Variants in NLRC5 observed in about 807,000 individuals in gnomAD.
NLRC5 encodes protein NLRC5.
Under a neutral mutation model 206.9 loss-of-function variants are expected in NLRC5, and 114 were observed. The ratio of observed to expected loss-of-function variants is 0.55; its 90% confidence interval spans 0.47 to 0.64. NLRC5 has a LOEUF of 0.64. Ranked by LOEUF, NLRC5 falls within the 30% of genes least tolerant of loss-of-function variation. The probability of loss-of-function intolerance (pLI) is 0.00; values close to 1 mark genes in which losing one functional copy is unlikely to be tolerated. For synonymous variants in NLRC5, 952 were observed against 962.8 expected, an observed-to-expected ratio of 0.99 and a Z score of 0.21; for missense variants, 2,008 against 2,305.5, an observed-to-expected ratio of 0.87 and a Z score of 2.64.
intron 1 of NLRC5, among the ~76,000 whole-genome samples, chr16:56,991,324 T>G (rs2056807342): frequency 6.6e-6 from 1 of 151,790 alleles, no homozygotes; most frequent in Admixed American, 6.6e-5. Flanking sequence ...ACATACCCTC[T>G]TCCCCTCTGA....
chr16:57,082,384 G>A (rs777663842), intron 48 of NLRC5, 33 bp from the exon 49 acceptor site: 2 of 1,507,940 alleles, frequency 1.3e-6, no homozygotes, highest in East Asian at 2.3e-5. Context: ...AAAGATGGGA[G>A]GATGAATGAG....
intron 4 of NLRC5, 43 bp from the exon 5 acceptor site, chr16:57,023,742 A>T (rs1672865): frequency 1.0e-5 from 16 of 1,562,654 alleles, no homozygotes; most frequent in Non-Finnish European, 1.4e-5. Flanking sequence ...CTCAGCCCAG[A>T]TCCCCAGACC....
chr16:57,046,192 C>A (rs2063947952), intron 21 of NLRC5, among the ~76,000 whole-genome samples: 1 of 152,122 alleles, frequency 6.6e-6, no homozygotes, highest in Non-Finnish European at 1.5e-5. Context: ...TTCTTGAGGC[C>A]CAAAGAACTG....
chr16:57,023,845 A>G lies in NLRC5; in HGVS notation c.416A>G (p.Gln139Arg), dbSNP rs751936148. 9.3e-6 allele frequency: 15 copies of G among 1,610,646 alleles called. No homozygotes were observed. The highest frequency in any genetic ancestry group is 1.6e-4 in the Middle Eastern group (1 of 6,078). The change falls in exon 5 of 49, where the codon CAG becomes CGG. Residue 139 changes from glutamine (Q) to arginine (R), a missense_variant. By Grantham distance (43) the Gln-to-Arg change is conservative. Coordinates refer to ENST00000688547, the MANE Select transcript of NLRC5 (RefSeq NM_001384950.1). ...SSPRRKQCKK[Q>R]QLELAKKYLQ... Reference sequence around the variant, plus strand: ...CCCCGCCGGAAGCAGTGCAAGAAGCAGCAGCTAGGTGGGTACCAGTGTGGG... The same window carrying G: ...CCCCGCCGGAAGCAGTGCAAGAAGCGGCAGCTAGGTGGGTACCAGTGTGGG...
At chr16:56,995,075 G>A (rs1242476260) in intron 1 of NLRC5, among the ~76,000 whole-genome samples, 1 of 152,202 alleles carries the variant, frequency 6.6e-6, no homozygotes, top group Non-Finnish European at 1.5e-5. Context: ...TCTGGAGGCT[G>A]AGGCAGGAGA....
In NLRC5 at chr16:57,047,551, T is replaced by C; in HGVS notation, c.3345T>C (p.Ser1115=). ...QRCIPRSLCL[S]ECPLEPPSLT... Reference sequence around the variant, plus strand: ...GCCCATTGCCCCTTTGCAGCCTCAGTGAGTGTCCTCTGGAGCCCCCAAGCC... The same window carrying C: ...GCCCATTGCCCCTTTGCAGCCTCAGCGAGTGTCCTCTGGAGCCCCCAAGCC... The change falls in exon 23 of 49, where the codon AGT becomes AGC. Residue 1115 remains serine, a synonymous_variant. Coordinates refer to ENST00000688547, the MANE Select transcript of NLRC5 (RefSeq NM_001384950.1). 1.2e-6 allele frequency: 2 copies of C among 1,611,650 alleles called. No individual in the cohort carries two copies. The highest frequency in any genetic ancestry group is 1.7e-6 in the Non-Finnish European group (2 of 1,179,102).
chr16:57,020,662 C>A, intron 2 of NLRC5, 39 bp from the exon 3 acceptor site: 1 of 1,511,012 alleles, frequency 6.6e-7, no homozygotes, highest in Non-Finnish European at 8.9e-7. Context: ...CCCAGTTTAC[C>A]TGTCCCCCTC....
chr16:57,078,042 C>T (rs2068625696), intron 43 of NLRC5, 22 bp downstream of exon 43: 8 of 1,553,652 alleles, frequency 5.1e-6, no homozygotes, highest in South Asian at 1.2e-5. Context: ...CCTGCCCATA[C>T]CATGCAGGGC....
chr16:56,992,950 G>T (rs2057089961), intron 1 of NLRC5, among the ~76,000 whole-genome samples: 1 of 151,802 alleles, frequency 6.6e-6, no homozygotes, highest in Non-Finnish European at 1.5e-5. Flanking sequence ...TAAAACATTT[G>T]GAAAGATATA....
At chr16:57,064,778 G>C (rs1265948317) in intron 32 of NLRC5, among the ~76,000 whole-genome samples, 1 of 152,062 alleles carries the variant, frequency 6.6e-6, no homozygotes, top group Non-Finnish European at 1.5e-5. Context: ...ACAAAAATTA[G>C]CCAGGCGTGG....
chr16:57,062,000 T>C, intron 32 of NLRC5: 8 of 1,455,974 alleles, frequency 5.5e-6, no homozygotes, highest in Non-Finnish European at 7.3e-6. Context: ...TGAAACGAAG[T>C]TCTTGTCTGT....
At chr16:57,081,502 C>T (rs1384222386) in intron 47 of NLRC5, 25 bp from the exon 48 acceptor site, 4 of 1,608,816 alleles carry the variant, frequency 2.5e-6, no homozygotes, top group Non-Finnish European at 3.4e-6. Flanking sequence ...TTCTCTTTCC[C>T]CTCCCCTCAC....
Position 57,066,524 on chromosome 16 carries a change from C to T in NLRC5, c.4242-10C>T, listed in dbSNP as rs568245966. On this transcript the variant is annotated splice_polypyrimidine_tract_variant and intron_variant, in intron 33 of 48. Transcript: ENST00000688547. ...GCCCGACCTCACGTTGGTTACTGCT[C>T]ACTCCTCAGCATCTCCGAGACCCAG... is the stretch of plus-strand genomic sequence containing the variant. 13 of 1,613,798 alleles carry T rather than the reference C, an allele frequency of 8.1e-6. No homozygotes were observed. The African/African-American group carries it at 1.6e-4, about 20-fold the overall frequency.
chr16:57,022,198 T>C (rs2060744686), intron 3 of NLRC5, 58 bp from the exon 4 acceptor site: 2 of 1,498,756 alleles, frequency 1.3e-6, no homozygotes, highest in African/African-American at 1.4e-5. Context: ...AGGCCAGAGC[T>C]GGTCCCCAGC....
chr16:57,046,079 A>G (rs1301350818), intron 21 of NLRC5, among the ~76,000 whole-genome samples: 1 of 152,196 alleles, frequency 6.6e-6, no homozygotes, highest in African/African-American at 2.4e-5. Flanking sequence ...TGTGTCAAGA[A>G]AAGGCACTGC....
Position 57,054,754 on chromosome 16 carries a change from G to A in NLRC5, c.3510G>A (p.Leu1170=), listed in dbSNP as rs1188048451. The A allele has an allele frequency of 1.2e-6, 2 of 1,613,750 alleles. No individual in the cohort carries two copies. The highest frequency in any genetic ancestry group is 2.7e-5 in the African/African-American group (2 of 74,822). The change falls in exon 25 of 49, where the codon CTG becomes CTA. Residue 1170 remains leucine (L), a synonymous_variant. Coordinates refer to ENST00000688547, the MANE Select transcript of NLRC5 (RefSeq NM_001384950.1). ...ATCTACCCCCTTTCCTTTTCAGGCT[G>A]AGCCAGACGGGACTGTCCCCGAAAA... The part of the protein sequence containing the change: ...PQLPQLSLLQ[L]SQTGLSPKSP...
At position 57,072,334 on chromosome 16, in the gene NLRC5, C is replaced by G. The variant is rs552490849; in HGVS notation, c.4667+1716C>G. Among the ~76,000 whole-genome samples, 4 of 152,312 alleles carry G rather than the reference C, an allele frequency of 2.6e-5. No homozygotes were observed. The East Asian group carries it at 7.7e-4, about 29-fold the overall frequency. On this transcript the variant is annotated intron_variant, in intron 38 of 48. Coordinates refer to ENST00000688547, the MANE Select transcript of NLRC5 (RefSeq NM_001384950.1). The stretch of plus-strand genomic sequence containing the variant: ...GGACTAGCTTGAGTCACCTGCCCCA[C>G]CCTAAAGCAATCACTGTGGCTGTGA...
rs769667893 is a variant in NLRC5, at chr16:57,025,986, C to G, written c.1043C>G (p.Pro348Arg). Residue 348 changes from proline (P) to arginine (R), a missense_variant, in exon 6 of 49, where the codon CCA (proline) becomes CGA (arginine). By Grantham distance (103) the Pro-to-Arg change is moderately radical. Transcript: ENST00000688547. The part of the protein sequence containing the change: ...PGCRVMATSR[P>R]GKLPACLPAE... The stretch of plus-strand genomic sequence containing the variant: ...TGCCGGGTGATGGCTACCTCCCGTC[C>G]AGGGAAGCTGCCTGCCTGCCTGCCT... 6.2e-7 allele frequency: 1 copy of G among 1,614,048 alleles called. No homozygotes were observed. The highest frequency in any genetic ancestry group is 1.1e-5 in the South Asian group (1 of 91,080).
In NLRC5 at chr16:57,034,158, C is replaced by T. The variant is rs1414322132; in HGVS notation, c.2544-10C>T. On this transcript the variant is annotated splice_polypyrimidine_tract_variant and intron_variant, in intron 12 of 48. Coordinates refer to ENST00000688547, the MANE Select transcript of NLRC5 (RefSeq NM_001384950.1). ...GCCCTGAGCCCTTCTGTCCCCCACT[C>T]CTACCCAAGGCTGCAGAAGTGTCAG... is the stretch of plus-strand genomic sequence containing the variant. 1.2e-6 allele frequency: 2 copies of T among 1,613,222 alleles called. No individual in the cohort carries two copies. Among genetic ancestry groups the T allele is most frequent in the Non-Finnish European group, 1.7e-6 (2 of 1,179,352 alleles).
Sources: allele counts gnomAD v4.1 joint callset (sites outside exome capture counted in the v4.1 genomes callset), GRCh38; gene constraint gnomAD v4.1.1; transcripts MANE v1.5; gene names NCBI Gene and HGNC (gene_info 2026-07-23, HGNC 2026-07-21).